PTPRD: variants seen among roughly 807,000 people sequenced by gnomAD.
The protein encoded by PTPRD is protein tyrosine phosphatase receptor type D.
Under a neutral mutation model 214.5 loss-of-function variants are expected in PTPRD, and 34 were observed. The ratio of observed to expected loss-of-function variants is 0.16; its 90% confidence interval spans 0.12 to 0.21. PTPRD has a LOEUF of 0.21. Among genes scored for constraint, PTPRD ranks in the 10% least tolerant of loss-of-function variants. PTPRD has a pLI of 1.00. For synonymous variants in PTPRD, 1,128 were observed against 845.7 expected, an observed-to-expected ratio of 1.33 and a Z score of -5.79; for missense variants, 2,545 against 2,398.7, an observed-to-expected ratio of 1.06 and a Z score of -1.27.
intron 5 of PTPRD, among the ~76,000 whole-genome samples, chr9:9,778,833 C>T (rs907798078): frequency 6.6e-6 from 1 of 151,862 alleles, no homozygotes; most frequent in Non-Finnish European, 1.5e-5. Flanking sequence ...CAACCAAAGT[C>T]ATTGTTCACA....
chr9:10,496,127 A>C (rs2041958996), intron 2 of PTPRD, among the ~76,000 whole-genome samples: 1 of 150,130 alleles, frequency 6.7e-6, no homozygotes, highest in Non-Finnish European at 1.5e-5. Flanking sequence ...TTTTAACATT[A>C]AAAAACAGCC....
chr9:9,493,570 C>G (rs2096019537), intron 8 of PTPRD, among the ~76,000 whole-genome samples: 1 of 151,990 alleles, frequency 6.6e-6, no homozygotes, highest in Non-Finnish European at 1.5e-5. Flanking sequence ...AGGCAGATCA[C>G]AAGGTCAGGA....
intron 7 of PTPRD, among the ~76,000 whole-genome samples, chr9:9,596,147 T>C (rs1006627095): frequency 1.3e-5 from 2 of 151,922 alleles, no homozygotes; most frequent in African/African-American, 4.8e-5. Flanking sequence ...TTTATCATTA[T>C]GCTTAAGTTA....
At chr9:8,435,899 A>G (rs1203257001) in intron 35 of PTPRD, among the ~76,000 whole-genome samples, 1 of 152,238 alleles carries the variant, frequency 6.6e-6, no homozygotes, top group Non-Finnish European at 1.5e-5. Context: ...GCATTAATTT[A>G]GATTGAAGGA....
intron 8 of PTPRD, among the ~76,000 whole-genome samples, chr9:9,441,167 T>C (rs562222128): frequency 1.8e-4 from 28 of 152,252 alleles, no homozygotes; most frequent in Admixed American, 3.3e-4. Flanking sequence ...CCAAAGATGC[T>C]ATCAACTGAG....
At chr9:9,285,094 C>T (rs1057111230) in intron 9 of PTPRD, among the ~76,000 whole-genome samples, 9 of 151,640 alleles carry the variant, frequency 5.9e-5, no homozygotes, top group African/African-American at 1.9e-4. Context: ...AATATAAAAC[C>T]TCACATATTT....
chr9:9,851,334 C>T (rs966036108), intron 5 of PTPRD, among the ~76,000 whole-genome samples: 2 of 152,176 alleles, frequency 1.3e-5, no homozygotes, highest in African/African-American at 4.8e-5. Flanking sequence ...GTCAGGCCAG[C>T]CTTGGCATGG....
chr9:9,469,863 G>A (rs1290299480), intron 8 of PTPRD, among the ~76,000 whole-genome samples: 5 of 152,100 alleles, frequency 3.3e-5, no homozygotes, highest in Non-Finnish European at 1.5e-5. Context: ...TGTCCAATGA[G>A]GGGTCAGAAT....
At chr9:9,778,708 G>C (rs144304908) in intron 5 of PTPRD, among the ~76,000 whole-genome samples, 1 of 152,070 alleles carries the variant, frequency 6.6e-6, no homozygotes, top group Admixed American at 6.6e-5. Flanking sequence ...ATACACTCCT[G>C]GTGACCGAGA....
chr9:8,681,465 G>A (rs1458206534), intron 12 of PTPRD, among the ~76,000 whole-genome samples: 2 of 152,196 alleles, frequency 1.3e-5, no homozygotes, highest in Non-Finnish European at 2.9e-5. Context: ...TAGAACTTGA[G>A]ATAATTCTGT....
chr9:8,580,425 G>C (rs894413570), intron 14 of PTPRD, among the ~76,000 whole-genome samples: 1 of 152,160 alleles, frequency 6.6e-6, no homozygotes, highest in Admixed American at 6.5e-5. Flanking sequence ...TAGACCCAAG[G>C]TATGAGAATT....
intron 7 of PTPRD, among the ~76,000 whole-genome samples, chr9:9,719,757 C>T (rs1026218391): frequency 6.6e-6 from 1 of 152,212 alleles, no homozygotes; most frequent in Non-Finnish European, 1.5e-5. Flanking sequence ...GTAACACCCT[C>T]TTTGGGGTTC....
At chr9:10,575,562 A>T (rs2068979402) in intron 2 of PTPRD, among the ~76,000 whole-genome samples, 1 of 152,150 alleles carries the variant, frequency 6.6e-6, no homozygotes, top group Non-Finnish European at 1.5e-5. Context: ...AGTCTTGTAA[A>T]GTATGGCTTT....
chr9:9,589,668 T>G (rs1203314747), intron 7 of PTPRD, among the ~76,000 whole-genome samples: 1 of 152,022 alleles, frequency 6.6e-6, no homozygotes, highest in East Asian at 1.9e-4. Flanking sequence ...TTTTTAAAAA[T>G]CTAAAATGCC....
intron 11 of PTPRD, among the ~76,000 whole-genome samples, chr9:8,951,992 A>G (rs562582825): frequency 2.0e-4 from 30 of 152,134 alleles, no homozygotes; most frequent in African/African-American, 6.7e-4. Context: ...CTGAAAGGCC[A>G]TTCATGAATA....
At position 9,730,343 on chromosome 9, in the gene PTPRD, G is replaced by A. The variant is rs564352301; in HGVS notation, c.-287+4190C>T. Among the ~76,000 whole-genome samples the A allele has an allele frequency of 1.2e-4, 19 of 152,196 alleles. No homozygotes were observed. In the East Asian group the frequency reaches 3.5e-3, roughly 28 times the overall value. On this transcript the variant is annotated intron_variant, in intron 7 of 45. Coordinates refer to ENST00000381196, the MANE Select transcript of PTPRD (RefSeq NM_002839.4). ...AAACTGAGAACACTAATGAGGAAATGAAACAGCCATTAATCATCATTGCGT... is the reference window on the plus strand; with the variant it reads ...AAACTGAGAACACTAATGAGGAAATAAAACAGCCATTAATCATCATTGCGT...
intron 3 of PTPRD, among the ~76,000 whole-genome samples, chr9:10,162,919 C>T (rs1269319650): frequency 2.0e-5 from 3 of 150,052 alleles, no homozygotes; most frequent in Non-Finnish European, 3.0e-5. Flanking sequence ...AAAATGTAAG[C>T]AAGATGTATT....
intron 9 of PTPRD, among the ~76,000 whole-genome samples, chr9:9,328,373 C>T (rs1022423932): frequency 1.3e-5 from 2 of 151,870 alleles, no homozygotes; most frequent in Non-Finnish European, 2.9e-5. Flanking sequence ...ATTGTTGTTT[C>T]ATATCAGGAT....
chr9:9,582,788 T>C (rs2091111571), intron 7 of PTPRD, among the ~76,000 whole-genome samples: 1 of 152,042 alleles, frequency 6.6e-6, no homozygotes, highest in African/African-American at 2.4e-5. Context: ...CCTGCTATAA[T>C]GTATTAACGT....
Sources: allele counts gnomAD v4.1 joint callset (sites outside exome capture counted in the v4.1 genomes callset), GRCh38; gene constraint gnomAD v4.1.1; transcripts MANE v1.5; gene names NCBI Gene and HGNC (gene_info 2026-07-23, HGNC 2026-07-21).